The following CCSER1 variants were observed in gnomAD, a reference collection of about 807,000 sequenced individuals.
CCSER1 encodes the protein coiled-coil serine rich protein 1, also known as serine-rich coiled-coil domain-containing protein 1.
Under a neutral mutation model 82.0 loss-of-function variants are expected in CCSER1, and 41 were observed. The observed-to-expected ratio is 0.50, with a 90% confidence interval of 0.39 to 0.65. The LOEUF (loss-of-function observed/expected upper bound fraction) is 0.65. CCSER1 is among the 30% of genes least tolerant of loss of function. The probability of loss-of-function intolerance (pLI) is 0.00; values close to 1 mark genes in which losing one functional copy is unlikely to be tolerated. For synonymous variants in CCSER1, 414 were observed against 383.9 expected (o/e 1.08, Z -0.92); for missense variants, 1,119 against 1,064.2 (o/e 1.05, Z -0.72).
chr4:91,458,841 A>G (rs1756344269), intron 10 of CCSER1, among the ~76,000 whole-genome samples: 1 of 152,052 alleles, frequency 6.6e-6, no homozygotes, highest in African/African-American at 2.4e-5. Flanking sequence ...TTGTACAATG[A>G]TTTTGTATCC....
At chr4:91,283,777 G>A (rs1743086138) in intron 10 of CCSER1, among the ~76,000 whole-genome samples, 3 of 150,962 alleles carry the variant, frequency 2.0e-5, no homozygotes, top group Non-Finnish European at 4.4e-5. Context: ...GACATCATTT[G>A]CTCCAAAAAA....
intron 3 of CCSER1, among the ~76,000 whole-genome samples, chr4:90,387,931 G>A (rs1483820396): frequency 6.6e-6 from 1 of 152,164 alleles, no homozygotes; most frequent in East Asian, 1.9e-4. Flanking sequence ...TTGCATTAGA[G>A]GGTGGTTTTG....
intron 8 of CCSER1, among the ~76,000 whole-genome samples, chr4:90,906,724 A>G (rs1259433624): frequency 6.6e-6 from 1 of 152,106 alleles, no homozygotes; most frequent in Non-Finnish European, 1.5e-5. Flanking sequence ...TTTATCATAT[A>G]TTCAAGATCT....
At chr4:90,967,810 A>G (rs868185952) in intron 9 of CCSER1, among the ~76,000 whole-genome samples, 2 of 152,098 alleles carry the variant, frequency 1.3e-5, no homozygotes. Context: ...ACAATCTCCC[A>G]TGGACAAAAG....
chr4:90,797,291 C>A (rs1756169166), intron 7 of CCSER1, among the ~76,000 whole-genome samples: 1 of 150,456 alleles, frequency 6.6e-6, no homozygotes, highest in Non-Finnish European at 1.5e-5. Context: ...TTGGCTGAAA[C>A]TAGGATTGCA....
intron 10 of CCSER1, among the ~76,000 whole-genome samples, chr4:91,282,897 G>A (rs1397782533): frequency 2.6e-5 from 4 of 151,966 alleles, no homozygotes; most frequent in Admixed American, 6.6e-5. Context: ...GAATTTTTCT[G>A]TCAGCAAAAA....
In CCSER1 at chr4:90,403,498, CAAAAAAAAAAAA is replaced by C. The variant is rs753570201; in HGVS notation, c.1603+3380_1603+3391del. Among the ~76,000 whole-genome samples, 5 of 45,994 alleles carry C rather than the reference CAAAAAAAAAAAA, an allele frequency of 1.1e-4. No individual in the cohort carries two copies. The East Asian group carries it at 1.5e-3, about 14-fold the overall frequency. The allele number at this position is 45,994 out of a possible 152,430, so 30.2% of individuals were successfully genotyped here. A position where few individuals can be genotyped will look rare whatever the true frequency, so the allele number is the denominator to read the frequency against. Reference sequence around the variant, plus strand: ...TGGGCGACAGAGCGAGACTCCGTCTCAAAAAAAAAAAAAAAAAAAAAAGAAAAAAGACCTCAG... The same window carrying C: ...TGGGCGACAGAGCGAGACTCCGTCTCAAAAAAAAAAGAAAAAAGACCTCAG... On this transcript the variant is annotated intron_variant, in intron 4 of 10. Transcript: ENST00000509176.
chr4:91,471,757 A>G (rs116446097), intron 10 of CCSER1, among the ~76,000 whole-genome samples: 1,779 of 152,046 alleles, frequency 0.012, 33 homozygotes, highest in African/African-American at 0.041. Context: ...ACATCTAAAG[A>G]AGGAGATCAA....
intron 6 of CCSER1, among the ~76,000 whole-genome samples, chr4:90,629,768 C>G (rs897944593): frequency 6.6e-6 from 1 of 152,176 alleles, no homozygotes; most frequent in African/African-American, 2.4e-5. Context: ...CTTGATTACT[C>G]TTAGAATTTC....
At chr4:90,203,658 G>C (rs571161872) in intron 1 of CCSER1, among the ~76,000 whole-genome samples, 1 of 152,086 alleles carries the variant, frequency 6.6e-6, no homozygotes, top group African/African-American at 2.4e-5. Flanking sequence ...ATAAACATAC[G>C]TGTGCATGTG....
chr4:91,079,457 C>T (rs1722434202), intron 9 of CCSER1, among the ~76,000 whole-genome samples: 1 of 152,136 alleles, frequency 6.6e-6, no homozygotes, highest in Non-Finnish European at 1.5e-5. Context: ...CTGGTACCAG[C>T]CACTGCAAAA....
chr4:90,771,917 A>T (rs1752239992), intron 7 of CCSER1, among the ~76,000 whole-genome samples: 1 of 152,160 alleles, frequency 6.6e-6, no homozygotes, highest in South Asian at 2.1e-4. Flanking sequence ...GCTAAAACAT[A>T]TAGCCAGTAT....
chr4:90,810,358 T>C (rs918098120), intron 7 of CCSER1, among the ~76,000 whole-genome samples: 2 of 152,084 alleles, frequency 1.3e-5, no homozygotes, highest in African/African-American at 4.8e-5. Flanking sequence ...ATAAAACTAG[T>C]TCAGTGAGGC....
chr4:91,165,393 C>T (rs1001178936), intron 10 of CCSER1, among the ~76,000 whole-genome samples: 2 of 152,126 alleles, frequency 1.3e-5, no homozygotes, highest in African/African-American at 4.8e-5. Context: ...GTCAGGGACC[C>T]ACTTGAGGAG....
chr4:91,503,221 G>T (rs957794185), intron 10 of CCSER1, among the ~76,000 whole-genome samples: 2 of 151,450 alleles, frequency 1.3e-5, no homozygotes, highest in African/African-American at 4.9e-5. Context: ...GGGCGCCTGT[G>T]GTCCCAGCTA....
intron 6 of CCSER1, among the ~76,000 whole-genome samples, chr4:90,717,392 A>C (rs754014129): frequency 2.0e-5 from 3 of 152,198 alleles, no homozygotes; most frequent in Admixed American, 6.6e-5. Context: ...TGGAGGAAAC[A>C]AGACCAGTAA....
At chr4:90,397,801 G>T (rs1055019016) in intron 3 of CCSER1, among the ~76,000 whole-genome samples, 1 of 152,196 alleles carries the variant, frequency 6.6e-6, no homozygotes, top group Non-Finnish European at 1.5e-5. Context: ...AATTAAAAAG[G>T]AGGAATGCTG....
At chr4:90,525,943 T>G (rs990968749) in intron 5 of CCSER1, among the ~76,000 whole-genome samples, 2 of 152,136 alleles carry the variant, frequency 1.3e-5, no homozygotes, top group Non-Finnish European at 2.9e-5. Context: ...CTAGCCAATA[T>G]TTAGTTTTCT....
At chr4:90,306,495 A>G (rs1734299824) in intron 1 of CCSER1, among the ~76,000 whole-genome samples, 1 of 152,216 alleles carries the variant, frequency 6.6e-6, no homozygotes, top group Non-Finnish European at 1.5e-5. Flanking sequence ...AATTTTTAAA[A>G]TTAAATTCAT....
Sources: gnomAD v4.1 joint callset for allele counts (sites outside exome capture counted in the v4.1 genomes callset) on GRCh38, gnomAD v4.1.1 for gene constraint, MANE v1.5 for transcripts, NCBI Gene and HGNC (gene_info 2026-07-23, HGNC 2026-07-21) for gene names.